The following ZHX3 variants were observed in gnomAD, a reference collection of about 807,000 sequenced individuals.
The protein encoded by ZHX3 is zinc fingers and homeoboxes 3, also known as zinc fingers and homeoboxes protein 3.
ZHX3 carries 20 observed loss-of-function variants against 64.5 expected under a neutral mutation model. That is an observed-to-expected ratio of 0.31 (90% CI 0.22 to 0.45). ZHX3 has a LOEUF of 0.45. Among genes scored for constraint, ZHX3 ranks in the 20% least tolerant of loss-of-function variants. ZHX3 has a pLI of 1.00. For synonymous variants in ZHX3, 423 were observed against 461.6 expected (o/e 0.92, Z 1.07); for missense variants, 1,041 against 1,195.8 (o/e 0.87, Z 1.91).
At position 41,204,652 on chromosome 20, in the gene ZHX3, T is replaced by C. The variant is rs1344501225; in HGVS notation, c.265A>G (p.Met89Val). 3.1e-6 allele frequency: 5 copies of C among 1,614,258 alleles called. No individual in the cohort carries two copies. The highest frequency in any genetic ancestry group is 2.7e-5 in the African/African-American group (2 of 75,066). Residue 89 changes from methionine to valine, a missense_variant, in exon 3 of 4, where the codon ATG becomes GTG. This residue lies in a region of ZHX3 where 358 missense variants were observed against 369.1 expected (regional missense o/e 0.97). Coordinates refer to ENST00000683867, the MANE Select transcript of ZHX3 (RefSeq NM_001384317.1). This position sits in a 1 kb window ranked among gnomAD's most constrained non-coding sequence, Gnocchi z 6.6. ...TTCATATGTCCCACAAATTGGGTCATGTCATGGGATCTGAAATCGCAGTAT... is the reference window on the plus strand; with the variant it reads ...TTCATATGTCCCACAAATTGGGTCACGTCATGGGATCTGAAATCGCAGTAT... ...CKYCDFRSHDMTQFVGHMNSE... is the reference protein window; with the variant it reads ...CKYCDFRSHDVTQFVGHMNSE...
intron 2 of ZHX3, among the ~76,000 whole-genome samples, chr20:41,259,938 G>A (rs1053464220): frequency 5.3e-5 from 8 of 152,076 alleles, no homozygotes; most frequent in African/African-American, 1.9e-4. Context: ...AATGTTTAAT[G>A]ACTGGCAGAA....
chr20:41,294,505 G>T (rs1286018442), intron 1 of ZHX3, among the ~76,000 whole-genome samples: 1 of 151,866 alleles, frequency 6.6e-6, no homozygotes, highest in African/African-American at 2.4e-5. Context: ...GGGATTACAG[G>T]CACCCCCCCA....
Position 41,203,402 on chromosome 20 carries a change from C to G in ZHX3, c.1515G>C (p.Gln505His). The G allele has an allele frequency of 3.7e-6, 6 of 1,614,182 alleles. No homozygotes were observed. The highest frequency in any genetic ancestry group is 5.1e-6 in the Non-Finnish European group (6 of 1,180,036). The change falls in exon 3 of 4, where the codon CAG becomes CAC. Residue 505 changes from glutamine to histidine, a missense_variant. Gln to His is a conservative substitution (Grantham distance 24). Around this residue, in one of 4 missense-constraint regions of ZHX3, gnomAD observed 649 missense variants for 739.8 expected, o/e 0.88. Transcript: ENST00000683867. This position sits in a 1 kb window ranked among gnomAD's most constrained non-coding sequence, Gnocchi z 7.1. ...AGAAGCTCCCTTTCAGAGCTGACAG[C>G]TGTTCATGAGATTTCTTATTTTTGT... is the stretch of plus-strand genomic sequence containing the variant. ...SIYKNKKSHEQLSALKGSFCR... is the reference protein window; with the variant it reads ...SIYKNKKSHEHLSALKGSFCR...
At chr20:41,241,070 A>C (rs751797417) in intron 2 of ZHX3, among the ~76,000 whole-genome samples, 3 of 152,140 alleles carry the variant, frequency 2.0e-5, no homozygotes, top group Non-Finnish European at 4.4e-5. Context: ...CTCTATTTTT[A>C]GTTTTTAGAG....
At chr20:41,223,585 T>G (rs2040085347) in intron 2 of ZHX3, among the ~76,000 whole-genome samples, 1 of 152,182 alleles carries the variant, frequency 6.6e-6, no homozygotes, top group Non-Finnish European at 1.5e-5. Context: ...AATTATACGC[T>G]AGAAATACCT....
chr20:41,247,824 C>A (rs533415889), intron 2 of ZHX3, among the ~76,000 whole-genome samples: 1 of 152,310 alleles, frequency 6.6e-6, no homozygotes, highest in Non-Finnish European at 1.5e-5. Context: ...AGTCTGCCCA[C>A]TTCAGCCTGG....
chr20:41,185,483 G>A lies in ZHX3; in HGVS notation c.2861-282C>T. On this transcript the variant is annotated intron_variant, in intron 3 of 3. Coordinates refer to ENST00000683867, the MANE Select transcript of ZHX3 (RefSeq NM_001384317.1). This position sits in a 1 kb window ranked among gnomAD's most constrained non-coding sequence, Gnocchi z 5.0. ...AGGAGCAGTGGTTTGGCCTCTCCAGGCCCACTAAATCCCCCTAGCTCCCCA... is the reference window on the plus strand; with the variant it reads ...AGGAGCAGTGGTTTGGCCTCTCCAGACCCACTAAATCCCCCTAGCTCCCCA... The A allele has an allele frequency of 1.8e-6, 1 of 546,892 alleles. No individual in the cohort carries two copies. The highest frequency in any genetic ancestry group is 3.2e-6 in the Non-Finnish European group (1 of 311,288). The allele number at this position is 546,892 out of a possible 1,614,324, so 33.9% of individuals were successfully genotyped here. A position where few individuals can be genotyped will look rare whatever the true frequency, so the allele number is the denominator to read the frequency against.
rs2038094398 is a variant in ZHX3 at position 41,200,076 on chromosome 20, A to G, written c.2860+1981T>C. On this transcript the variant is annotated intron_variant, in intron 3 of 3. Coordinates refer to ENST00000683867, the MANE Select transcript of ZHX3 (RefSeq NM_001384317.1). This position sits in a 1 kb window ranked among gnomAD's most constrained non-coding sequence, Gnocchi z 4.2. The stretch of plus-strand genomic sequence containing the variant: ...ACAGTCTGCACCAGGAACATTTTCC[A>G]CAGTTGCCTGCTGCAGAGCTTGCGG... Among the ~76,000 whole-genome samples, 1 of 151,786 alleles carries G rather than the reference A, an allele frequency of 6.6e-6. No homozygotes were observed. Among genetic ancestry groups the G allele is most frequent in the South Asian group, 2.1e-4 (1 of 4,808 alleles).
chr20:41,273,487 T>C (rs1169823250), intron 1 of ZHX3, among the ~76,000 whole-genome samples: 2 of 152,194 alleles, frequency 1.3e-5, no homozygotes, highest in African/African-American at 2.4e-5. Context: ...TAAGAGTTTA[T>C]AGTCTTAACT....
chr20:41,312,138 T>G (rs1259972934), intron 1 of ZHX3, among the ~76,000 whole-genome samples: 1 of 152,184 alleles, frequency 6.6e-6, no homozygotes, highest in African/African-American at 2.4e-5. Flanking sequence ...GATTGTAATA[T>G]GCACCAATCA....
At chr20:41,240,002 CTTT>C (rs973655327) in intron 2 of ZHX3, among the ~76,000 whole-genome samples, 11 of 144,864 alleles carry the variant, frequency 7.6e-5, no homozygotes, top group African/African-American at 2.5e-4. Flanking sequence ...TAGGCCATTC[CTTT>C]TTTTTTTTTG....
At chr20:41,307,393 TTCCC>T (rs1470613675) in intron 1 of ZHX3, among the ~76,000 whole-genome samples, 1 of 152,178 alleles carries the variant, frequency 6.6e-6, no homozygotes, top group African/African-American at 2.4e-5. Context: ...GAGCTCTATT[TTCCC>T]TCCATTTTAA....
chr20:41,221,988 G>A lies in ZHX3; in HGVS notation c.-150-16922C>T, dbSNP rs114091735. ...GCCATGATCTGAGTCTCTCTGAAATGGGCAGTGCCAAGAGAGGGCTTTGAG... is the reference window on the plus strand; with the variant it reads ...GCCATGATCTGAGTCTCTCTGAAATAGGCAGTGCCAAGAGAGGGCTTTGAG... On this transcript the variant is annotated intron_variant, in intron 2 of 3. Transcript: ENST00000683867. 5.7e-3 allele frequency among the ~76,000 whole-genome samples: 876 copies of A among 152,358 alleles called. 4 individuals carry two copies. Among genetic ancestry groups the A allele is most frequent in the African/African-American group, 0.02 (838 of 41,586 alleles).
At chr20:41,316,888 G>A (rs1260060703) in intron 1 of ZHX3, 1 of 152,306 alleles carries the variant, frequency 6.6e-6, no homozygotes, top group African/African-American at 2.4e-5. Context: ...CCGAGGACCT[G>A]GGGCCCACGT....
chr20:41,227,447 A>T (rs1376138333), intron 2 of ZHX3, among the ~76,000 whole-genome samples: 1 of 152,200 alleles, frequency 6.6e-6, no homozygotes, highest in African/African-American at 2.4e-5. Flanking sequence ...TGAAGTACAT[A>T]TATCTCCCTA....
At chr20:41,300,592 C>T (rs984424749) in intron 1 of ZHX3, among the ~76,000 whole-genome samples, 1 of 152,124 alleles carries the variant, frequency 6.6e-6, no homozygotes, top group Non-Finnish European at 1.5e-5. Flanking sequence ...AGGTAATCTA[C>T]TTTATGCTCC....
In ZHX3 at chr20:41,203,269, G is replaced by C; in HGVS notation, c.1648C>G (p.Arg550Gly). Residue 550 changes from arginine (R) to glycine (G), a missense_variant, in exon 3 of 4, where the codon CGG becomes GGG. Arg to Gly is a moderately radical substitution (Grantham distance 125). This residue lies in a region of ZHX3 where 649 missense variants were observed against 739.8 expected (regional missense o/e 0.88). Coordinates refer to ENST00000683867, the MANE Select transcript of ZHX3 (RefSeq NM_001384317.1). The surrounding 1 kb of genome is among the most constrained non-coding windows in gnomAD (Gnocchi z 7.1). Reference sequence around the variant, plus strand: ...ATCGCTCTGGAGCCCTTCAAGTTCCGGCAGTGGTATCTACGATCACTGAAC... The same window carrying C: ...ATCGCTCTGGAGCCCTTCAAGTTCCCGCAGTGGTATCTACGATCACTGAAC... The part of the protein sequence containing the change: ...KWFSDRRYHC[R>G]NLKGSRAMIP... 6.2e-7 allele frequency: 1 copy of C among 1,614,150 alleles called. No homozygotes were observed. Among genetic ancestry groups the C allele is most frequent in the Non-Finnish European group, 8.5e-7 (1 of 1,180,028 alleles).
intron 2 of ZHX3, among the ~76,000 whole-genome samples, chr20:41,253,433 T>A (rs2146520657): frequency 6.6e-6 from 1 of 152,320 alleles, no homozygotes. Flanking sequence ...CTACCTTGGT[T>A]TCTTTTTTCC....
At chr20:41,257,302 G>C (rs2042308657) in intron 2 of ZHX3, among the ~76,000 whole-genome samples, 1 of 152,126 alleles carries the variant, frequency 6.6e-6, no homozygotes, top group Admixed American at 6.5e-5. Flanking sequence ...GCAGTATCTT[G>C]CATTGACTAA....
Sources: gnomAD v4.1 joint callset for allele counts (sites outside exome capture counted in the v4.1 genomes callset) on GRCh38, gnomAD v4.1.1 for gene constraint, gnomAD v4.1.1 regional missense constraint, Gnocchi (gnomAD v3.1) non-coding constraint, MANE v1.5 for transcripts, NCBI Gene and HGNC (gene_info 2026-07-23, HGNC 2026-07-21) for gene names.